HTR2A: variants seen among roughly 807,000 people sequenced by gnomAD.
HTR2A encodes 5-hydroxytryptamine receptor 2A, also known as 5-HT2 receptor.
HTR2A carries 14 observed loss-of-function variants against 31.0 expected under a neutral mutation model. The observed-to-expected ratio is 0.45, with a 90% CI of 0.30 to 0.71. HTR2A has a LOEUF of 0.71. HTR2A is among the 30% of genes least tolerant of loss of function. The pLI is 0.09. For synonymous variants in HTR2A, 209 were observed against 225.2 expected (o/e 0.93, Z 0.64); for missense variants, 442 against 573.3 (o/e 0.77, Z 2.34).
At chr13:46,876,030 C>T (rs1950907389) in intron 3 of HTR2A, among the ~76,000 whole-genome samples, 1 of 152,090 alleles carries the variant, frequency 6.6e-6, no homozygotes, top group African/African-American at 2.4e-5. Flanking sequence ...CACAAATATC[C>T]CTACAGTGGA....
chr13:46,884,155 A>G (rs1204758019), intron 3 of HTR2A, among the ~76,000 whole-genome samples: 2 of 152,234 alleles, frequency 1.3e-5, no homozygotes, highest in Admixed American at 6.5e-5. Flanking sequence ...GAATAAAAAT[A>G]TTTGTGACAG....
chr13:46,882,218 G>A (rs561685632), intron 3 of HTR2A, among the ~76,000 whole-genome samples: 35 of 100,400 alleles, frequency 3.5e-4, no homozygotes, highest in African/African-American at 1.3e-3. Flanking sequence ...AGTGAAAATG[G>A]TCAGGGAAGT....
intron 3 of HTR2A, among the ~76,000 whole-genome samples, chr13:46,873,644 T>G (rs1310924446): frequency 1.3e-5 from 2 of 151,958 alleles, no homozygotes; most frequent in Non-Finnish European, 2.9e-5. Flanking sequence ...CCCCTTCCTG[T>G]GTCCATGTGT....
intron 3 of HTR2A, among the ~76,000 whole-genome samples, chr13:46,883,619 A>G (rs1950983939): frequency 6.6e-6 from 1 of 152,188 alleles, no homozygotes; most frequent in South Asian, 2.1e-4. Flanking sequence ...GCATTGGCAG[A>G]TGGAAAAAGG....
intron 3 of HTR2A, among the ~76,000 whole-genome samples, chr13:46,884,702 A>G (rs1158505104): frequency 1.3e-5 from 2 of 152,124 alleles, no homozygotes; most frequent in Admixed American, 1.3e-4. Flanking sequence ...TGACAAAACT[A>G]TACAGAAATG....
chr13:46,842,371 T>C (rs1950605577), intron 3 of HTR2A, among the ~76,000 whole-genome samples: 1 of 152,112 alleles, frequency 6.6e-6, no homozygotes, highest in Non-Finnish European at 1.5e-5. Flanking sequence ...GATTTTGGAG[T>C]GATTCTCTCT....
chr13:46,884,230 T>C (rs560876744), intron 3 of HTR2A, among the ~76,000 whole-genome samples: 3 of 152,254 alleles, frequency 2.0e-5, no homozygotes, highest in Non-Finnish European at 4.4e-5. Flanking sequence ...CTACTTGGTA[T>C]GGAGGGCAAT....
chr13:46,852,390 G>T (rs1268154489), intron 3 of HTR2A, among the ~76,000 whole-genome samples: 1 of 152,250 alleles, frequency 6.6e-6, no homozygotes, highest in African/African-American at 2.4e-5. Flanking sequence ...GTCAGCAAAG[G>T]GGGGCTCTCT....
At chr13:46,846,986 C>G (rs1395021331) in intron 3 of HTR2A, among the ~76,000 whole-genome samples, 1 of 152,212 alleles carries the variant, frequency 6.6e-6, no homozygotes, top group Non-Finnish European at 1.5e-5. Context: ...GTGGCTGACT[C>G]CTCCTGTTTG....
chr13:46,849,775 C>T (rs1950668450), intron 3 of HTR2A, among the ~76,000 whole-genome samples: 1 of 152,186 alleles, frequency 6.6e-6, no homozygotes, highest in African/African-American at 2.4e-5. Flanking sequence ...TTTCCTTTAG[C>T]AGTTGCCACT....
chr13:46,864,226 AC>A (rs1346093037), intron 3 of HTR2A, among the ~76,000 whole-genome samples: 1 of 152,156 alleles, frequency 6.6e-6, no homozygotes, highest in African/African-American at 2.4e-5. Context: ...TAGGGGAACA[AC>A]ACACAACTAG....
chr13:46,840,311 T>A (rs1377908811), intron 3 of HTR2A, among the ~76,000 whole-genome samples: 11 of 152,094 alleles, frequency 7.2e-5, no homozygotes, highest in African/African-American at 2.4e-4. Context: ...CTAAATTCCT[T>A]CTAATCTATG....
chr13:46,891,312 T>C (rs561039409), intron 3 of HTR2A, among the ~76,000 whole-genome samples: 2 of 152,228 alleles, frequency 1.3e-5, no homozygotes, highest in Non-Finnish European at 2.9e-5. Flanking sequence ...AAAATCCTTG[T>C]TGTGCTACTT....
At chr13:46,855,411 G>A (rs936084728) in intron 3 of HTR2A, among the ~76,000 whole-genome samples, 1 of 152,142 alleles carries the variant, frequency 6.6e-6, no homozygotes, top group African/African-American at 2.4e-5. Context: ...TATATTTTCT[G>A]GTGGGTGGAG....
chr13:46,842,155 G>C (rs553104408), intron 3 of HTR2A, among the ~76,000 whole-genome samples: 2 of 152,188 alleles, frequency 1.3e-5, no homozygotes, highest in Non-Finnish European at 2.9e-5. Flanking sequence ...AGAAAGTTGG[G>C]GGCAAAATCA....
chr13:46,881,260 G>A (rs1950960423), intron 3 of HTR2A, among the ~76,000 whole-genome samples: 1 of 152,214 alleles, frequency 6.6e-6, no homozygotes, highest in African/African-American at 2.4e-5. Context: ...GGTGGGCCAA[G>A]TGGTGGCCCT....
At position 46,896,237 on chromosome 13, in the gene HTR2A, G is replaced by T; in HGVS notation, c.-328-3C>A. On this transcript the variant is annotated splice_polypyrimidine_tract_variant and splice_region_variant and intron_variant, in intron 1 of 3. Coordinates refer to ENST00000542664, the MANE Select transcript of HTR2A (RefSeq NM_000621.5). The stretch of plus-strand genomic sequence containing the variant: ...GAGCGCTCGGGAAGATAAATGTCCT[G>T]GACAAAGAAGAAAAGTTTTATAACT... The T allele has an allele frequency of 9.0e-7, 1 of 1,106,562 alleles. No homozygotes were observed. The highest frequency in any genetic ancestry group is 1.1e-6 in the Non-Finnish European group (1 of 909,302). 68.5% of individuals were successfully genotyped at this position (1,106,562 alleles called of 1,614,324 possible). A position where few individuals can be genotyped will look rare whatever the true frequency, so the allele number is the denominator to read the frequency against.
chr13:46,889,684 A>G (rs2025296), intron 3 of HTR2A, among the ~76,000 whole-genome samples: 135,305 of 152,204 alleles, frequency 0.89, 60,220 homozygotes, highest in East Asian at 0.95. Context: ...GAAGCAAACA[A>G]GTTAGATCAT....
chr13:46,889,810 A>G (rs1280491543), intron 3 of HTR2A, among the ~76,000 whole-genome samples: 1 of 152,178 alleles, frequency 6.6e-6, no homozygotes, highest in East Asian at 1.9e-4. Context: ...AGAAAACTCA[A>G]GAGAATATTT....
Sources: allele counts gnomAD v4.1 joint callset (sites outside exome capture counted in the v4.1 genomes callset), GRCh38; gene constraint gnomAD v4.1.1; transcripts MANE v1.5; gene names NCBI Gene and HGNC (gene_info 2026-07-23, HGNC 2026-07-21).